The following BRDT variants were observed in gnomAD, a reference collection of about 807,000 sequenced individuals.
The protein encoded by BRDT is bromodomain testis-specific protein.
Under a neutral mutation model 113.9 loss-of-function variants are expected in BRDT, and 77 were observed. The ratio of observed to expected loss-of-function variants is 0.68; its 90% CI spans 0.56 to 0.82. The LOEUF (loss-of-function observed/expected upper bound fraction) is 0.82. Among genes scored for constraint, BRDT ranks in the 40% least tolerant of loss-of-function variants. The probability of loss-of-function intolerance (pLI) is 0.00; values close to 1 mark genes in which losing one functional copy is unlikely to be tolerated. For missense variants in BRDT, 1,027 were observed against 1,105.4 expected, an observed-to-expected ratio of 0.93 and a Z score of 1.01; for synonymous variants, 358 against 366.5, an observed-to-expected ratio of 0.98 and a Z score of 0.26.
At chr1:91,968,654 G>T (rs371710767) in intron 4 of BRDT, among the ~76,000 whole-genome samples, 1 of 152,038 alleles carries the variant, frequency 6.6e-6, no homozygotes, top group Non-Finnish European at 1.5e-5. Flanking sequence ...TTAGTATTGC[G>T]TTGGAAGATT....
chr1:91,988,421 G>C (rs1685461476), intron 12 of BRDT, among the ~76,000 whole-genome samples: 2 of 151,398 alleles, frequency 1.3e-5, no homozygotes, highest in Admixed American at 6.6e-5. Context: ...ATTTTTTTGA[G>C]ACGGCATCTT....
Position 91,981,398 on chromosome 1 carries a change from GT to G in BRDT, c.1864+20del, listed in dbSNP as rs777135184. The G allele has an allele frequency of 1.3e-6, 2 of 1,594,844 alleles. No individual in the cohort carries two copies. The highest frequency in any genetic ancestry group is 2.2e-5 in the South Asian group (2 of 90,276). On this transcript the variant is annotated intron_variant, in intron 11 of 18. Transcript: ENST00000399546. ...AAACAAAATGTAGGTGGCAGTTTTT[GT>G]TTGTTTGTATGTATGTATGTATGTA...
chr1:91,968,911 ATTATTTATTTAT>A (rs141543100), intron 4 of BRDT, among the ~76,000 whole-genome samples: 102,632 of 147,606 alleles, frequency 0.7, 37,137 homozygotes, highest in Middle Eastern at 0.79. Flanking sequence ...TATCAGGAAA[ATTATTTATTTAT>A]TTATTTATTT....
At chr1:91,996,314 C>T (rs186722098) in intron 15 of BRDT, among the ~76,000 whole-genome samples, 19 of 152,152 alleles carry the variant, frequency 1.2e-4, no homozygotes, top group Admixed American at 1.2e-3. Context: ...AGTAGCACAA[C>T]CTCTGCTCAC....
Position 91,994,123 on chromosome 1 carries a change from C to T in BRDT, c.2156C>T (p.Thr719Ile). 1.2e-6 allele frequency: 2 copies of T among 1,612,576 alleles called. No individual in the cohort carries two copies. The highest frequency in any genetic ancestry group is 1.7e-6 in the Non-Finnish European group (2 of 1,179,534). ...CAAGACACAACCTCTGCCAATACTA[C>T]CCTTGTTCATCAGACCACACCTTCA... ...CVQDTTSANT[T>I]LVHQTTPSHV... The change falls in exon 15 of 19, where the codon ACC becomes ATC. Residue 719 changes from threonine (T) to isoleucine (I), a missense_variant. Transcript: ENST00000399546.
intron 1 of BRDT, among the ~76,000 whole-genome samples, chr1:91,960,600 A>G (rs1682341474): frequency 6.6e-6 from 1 of 152,184 alleles, no homozygotes; most frequent in Non-Finnish European, 1.5e-5. Flanking sequence ...AAGATGGAAA[A>G]GTTCTAGAGA....
chr1:91,989,571 G>T (rs1350797846), intron 12 of BRDT, among the ~76,000 whole-genome samples: 1 of 151,934 alleles, frequency 6.6e-6, no homozygotes. Flanking sequence ...TTGTTGGCCA[G>T]GCTGGTCTTG....
At position 91,994,194 on chromosome 1, in the gene BRDT, G is replaced by A. The variant is rs755560359; in HGVS notation, c.2227G>A (p.Glu743Lys). The A allele has an allele frequency of 1.9e-6, 3 of 1,613,226 alleles. No individual in the cohort carries two copies. The highest frequency in any genetic ancestry group is 4.5e-5 in the East Asian group (2 of 44,802). The change falls in exon 15 of 19, where the codon GAA becomes AAA. Residue 743 changes from glutamate (E) to lysine (K), a missense_variant. Coordinates refer to ENST00000399546, the MANE Select transcript of BRDT (RefSeq NM_207189.4). ...NHHQLAFNYQ[E>K]LEHLQTVKNI... ...CCACCAATTAGCATTTAATTATCAA[G>A]AATTAGAACATTTACAGACTGTGAA...
At chr1:91,985,472 GGAGTGAGCC>G (rs1331102213) in intron 12 of BRDT, among the ~76,000 whole-genome samples, 1 of 152,030 alleles carries the variant, frequency 6.6e-6, no homozygotes, top group Non-Finnish European at 1.5e-5. Context: ...TGGGATTACA[GGAGTGAGCC>G]ATCATGCCTG....
intron 3 of BRDT, among the ~76,000 whole-genome samples, chr1:91,966,464 T>G (rs1683070517): frequency 6.6e-6 from 1 of 152,162 alleles, no homozygotes; most frequent in African/African-American, 2.4e-5. Context: ...TCTCCTGGGC[T>G]CAAGTGATAC....
rs1281560905 is a variant in BRDT at position 91,963,183 on chromosome 1, C to T, written c.192+237C>T. Among the ~76,000 whole-genome samples, 9 of 152,232 alleles carry T rather than the reference C, an allele frequency of 5.9e-5. 1 individual carries two copies. Among genetic ancestry groups the T allele is most frequent in the Admixed American group, 3.9e-4 (6 of 15,290 alleles). ...TACTAAAAATACAAAATTAGCCGGG[C>T]GTGGTGGCACATGCCTGTACTTCCA... On this transcript the variant is annotated intron_variant, in intron 2 of 18. Transcript: ENST00000399546.
At chr1:91,964,910 ATTT>A (rs1302641462) in intron 3 of BRDT, 146 bp downstream of exon 3, 216 of 234,490 alleles carry the variant, frequency 9.2e-4, no homozygotes, top group Middle Eastern at 1.7e-3. Flanking sequence ...TGTGTATATA[ATTT>A]TTTTTTTTTT....
At chr1:91,971,605 T>A (rs1683633291) in intron 4 of BRDT, among the ~76,000 whole-genome samples, 1 of 152,372 alleles carries the variant, frequency 6.6e-6, no homozygotes, top group Admixed American at 6.5e-5. Flanking sequence ...GCTGATTATG[T>A]ACCACAACAC....
intron 15 of BRDT, among the ~76,000 whole-genome samples, chr1:92,001,845 A>G (rs1200517260): frequency 6.6e-6 from 1 of 152,226 alleles, no homozygotes; most frequent in African/African-American, 2.4e-5. Context: ...TAACAAAAAA[A>G]GAGCAAAGTG....
intron 1 of BRDT, among the ~76,000 whole-genome samples, chr1:91,954,354 A>C (rs1352611714): frequency 1.5e-5 from 2 of 137,350 alleles, no homozygotes; most frequent in East Asian, 4.2e-4. Context: ...ATCATGGCTC[A>C]CTGCAGCCTC....
intron 4 of BRDT, among the ~76,000 whole-genome samples, chr1:91,974,717 A>G (rs969210043): frequency 2.0e-5 from 3 of 152,242 alleles, no homozygotes; most frequent in African/African-American, 7.2e-5. Flanking sequence ...TGTGGAAGTC[A>G]GTGTGGTGAT....
chr1:91,987,651 T>G (rs892680675), intron 12 of BRDT, among the ~76,000 whole-genome samples: 8 of 149,738 alleles, frequency 5.3e-5, no homozygotes, highest in Admixed American at 2.0e-4. Flanking sequence ...CGGCCTTGTT[T>G]TTGTTTTTTG....
intron 1 of BRDT, among the ~76,000 whole-genome samples, chr1:91,960,492 A>G (rs1340715330): frequency 6.6e-6 from 1 of 152,238 alleles, no homozygotes; most frequent in Non-Finnish European, 1.5e-5. Context: ...AGGGTAGTCA[A>G]ATTCATGGCA....
chr1:91,989,041 A>G (rs1010078830), intron 12 of BRDT, among the ~76,000 whole-genome samples: 1 of 150,890 alleles, frequency 6.6e-6, no homozygotes, highest in Non-Finnish European at 1.5e-5. Context: ...CAAGTGATCC[A>G]CCTGCCTCGG....
Sources: allele counts gnomAD v4.1 joint callset (sites outside exome capture counted in the v4.1 genomes callset), GRCh38; gene constraint gnomAD v4.1.1; transcripts MANE v1.5; gene names NCBI Gene and HGNC (gene_info 2026-07-23, HGNC 2026-07-21).